AGBL4: variants seen among roughly 807,000 people sequenced by gnomAD.
AGBL4 encodes the protein cytosolic carboxypeptidase 6.
AGBL4 carries 58 observed loss-of-function variants against 66.4 expected under a neutral mutation model. That is an observed-to-expected ratio of 0.87 (90% CI 0.71 to 1.09). The LOEUF (loss-of-function observed/expected upper bound fraction) is 1.09, where lower values mean the gene tolerates loss of function less well. Among genes scored for constraint, AGBL4 ranks in the 50% least tolerant of loss-of-function variants. The probability of loss-of-function intolerance (pLI) is 0.00; values close to 1 mark genes in which losing one functional copy is unlikely to be tolerated. For synonymous variants in AGBL4, 234 were observed against 222.9 expected, an observed-to-expected ratio of 1.05 and a Z score of -0.44; for missense variants, 579 against 631.0, an observed-to-expected ratio of 0.92 and a Z score of 0.88.
chr1:49,808,242 CTATT>C (rs1645018459), intron 2 of AGBL4, among the ~76,000 whole-genome samples: 1 of 152,142 alleles, frequency 6.6e-6, no homozygotes, highest in Admixed American at 6.6e-5. Context: ...TCTATTTTCT[CTATT>C]TATTGATTGT....
intron 2 of AGBL4, chr1:49,845,262 G>C: frequency 6.4e-7 from 1 of 1,558,072 alleles, no homozygotes; most frequent in Non-Finnish European, 8.8e-7. Context: ...CTCAGTGTGA[G>C]GGGACCTTCA....
chr1:49,583,557 G>A (rs1034693036), intron 3 of AGBL4, among the ~76,000 whole-genome samples: 1 of 151,958 alleles, frequency 6.6e-6, no homozygotes, highest in Non-Finnish European at 1.5e-5. Flanking sequence ...AGAAATGGGG[G>A]GCAGTCTTAT....
At chr1:48,719,810 C>T (rs1647115528) in intron 6 of AGBL4, among the ~76,000 whole-genome samples, 1 of 152,192 alleles carries the variant, frequency 6.6e-6, no homozygotes, top group Non-Finnish European at 1.5e-5. Flanking sequence ...GAAACTGAGT[C>T]CCAAACCAAA....
At chr1:49,184,676 C>T (rs552749955) in intron 4 of AGBL4, among the ~76,000 whole-genome samples, 2 of 152,276 alleles carry the variant, frequency 1.3e-5, no homozygotes, top group East Asian at 3.9e-4. Context: ...TGATAGATTT[C>T]TGCAAAGGCT....
chr1:49,421,432 T>G (rs1426931955), intron 3 of AGBL4, among the ~76,000 whole-genome samples: 12 of 152,012 alleles, frequency 7.9e-5, no homozygotes, highest in Non-Finnish European at 7.4e-5. Flanking sequence ...ACATAAAACA[T>G]TGTCTGAAAG....
chr1:49,817,285 G>T (rs1645255703), intron 2 of AGBL4, among the ~76,000 whole-genome samples: 1 of 152,122 alleles, frequency 6.6e-6, no homozygotes, highest in Non-Finnish European at 1.5e-5. Context: ...GCAGGGAATG[G>T]AATATAAAGT....
At chr1:49,737,588 T>C (rs561250092) in intron 2 of AGBL4, among the ~76,000 whole-genome samples, 2 of 152,078 alleles carry the variant, frequency 1.3e-5, no homozygotes, top group Admixed American at 6.5e-5. Context: ...TCTGTGGTCA[T>C]TGGTGATGGG....
At chr1:49,715,643 T>A (rs985589068) in intron 2 of AGBL4, among the ~76,000 whole-genome samples, 1 of 151,994 alleles carries the variant, frequency 6.6e-6, no homozygotes, top group Non-Finnish European at 1.5e-5. Context: ...CTTTTAATGA[T>A]CACCATTCTA....
At chr1:49,154,747 T>C (rs1412701794) in intron 4 of AGBL4, among the ~76,000 whole-genome samples, 2 of 152,166 alleles carry the variant, frequency 1.3e-5, no homozygotes, top group East Asian at 3.8e-4. Flanking sequence ...GCTATATTAA[T>C]ATTTTAAGAA....
chr1:48,910,957 T>C (rs1223915554), intron 5 of AGBL4, among the ~76,000 whole-genome samples: 1 of 152,202 alleles, frequency 6.6e-6, no homozygotes, highest in Non-Finnish European at 1.5e-5. Context: ...GAAGGCTGAA[T>C]AAGCACAGAC....
chr1:49,150,362 C>T (rs1646303975), intron 4 of AGBL4, among the ~76,000 whole-genome samples: 1 of 152,120 alleles, frequency 6.6e-6, no homozygotes, highest in African/African-American at 2.4e-5. Context: ...AATTTGTACA[C>T]ATTCTCACAA....
chr1:48,857,250 T>C (rs887867474), intron 6 of AGBL4, among the ~76,000 whole-genome samples: 1 of 152,196 alleles, frequency 6.6e-6, no homozygotes, highest in Admixed American at 6.5e-5. Context: ...TTTGACAAGA[T>C]GGACAACATA....
intron 6 of AGBL4, among the ~76,000 whole-genome samples, chr1:48,739,100 A>G (rs1649514463): frequency 1.3e-5 from 2 of 152,220 alleles, no homozygotes; most frequent in South Asian, 2.1e-4. Context: ...ATGTTCAGTT[A>G]GTTTTCCTTT....
intron 2 of AGBL4, among the ~76,000 whole-genome samples, chr1:49,842,775 A>G (rs2148043412): frequency 6.6e-6 from 1 of 152,104 alleles, no homozygotes; most frequent in East Asian, 1.9e-4. Context: ...TAGCCTCTCT[A>G]AGGAGGTGAC....
rs1468781524 is a variant in AGBL4 at position 49,539,602 on chromosome 1, G to A, written c.282+157711C>T. Reference sequence around the variant, plus strand: ...GAACTCTTCCTACTGGATTACTCAGGAAAGTATCTGCATAATAAACCCTCA... The same window carrying A: ...GAACTCTTCCTACTGGATTACTCAGAAAAGTATCTGCATAATAAACCCTCA... On this transcript the variant is annotated intron_variant, in intron 3 of 13. Coordinates refer to ENST00000371839, the MANE Select transcript of AGBL4 (RefSeq NM_032785.4). Among the ~76,000 whole-genome samples the A allele has an allele frequency of 3.3e-5, 5 of 152,134 alleles. No individual in the cohort carries two copies. The East Asian group carries it at 9.6e-4, about 29-fold the overall frequency.
chr1:49,135,699 T>C (rs1645997613), intron 4 of AGBL4, among the ~76,000 whole-genome samples: 1 of 152,212 alleles, frequency 6.6e-6, no homozygotes, highest in Admixed American at 6.5e-5. Flanking sequence ...CTATTGTTTG[T>C]GGCTTAAGAA....
chr1:48,867,295 T>A (rs1022290298), intron 5 of AGBL4, 65 bp from the exon 6 acceptor site: 5 of 1,538,002 alleles, frequency 3.3e-6, no homozygotes, highest in Non-Finnish European at 3.6e-6. Context: ...GCTTAGCAGG[T>A]CAGGGCGGAC....
rs1045619365 is a variant in AGBL4 at position 48,776,859 on chromosome 1, G to T, written c.634+90332C>A. The stretch of plus-strand genomic sequence containing the variant: ...TGGGCGCCGGGGGCGGGCCCCGGTC[G>T]GGCAGCTCAGCCCGCGGGGCGGGCG... On this transcript the variant is annotated intron_variant, in intron 6 of 13. Transcript: ENST00000371839. 26 of 1,464,294 alleles carry T rather than the reference G, an allele frequency of 1.8e-5. No homozygotes were observed. The East Asian group carries it at 4.1e-4, about 23-fold the overall frequency. 90.7% of individuals were successfully genotyped at this position (1,464,294 alleles called of 1,614,324 possible).
chr1:49,748,835 C>T (rs1051086672), intron 2 of AGBL4, among the ~76,000 whole-genome samples: 3 of 152,122 alleles, frequency 2.0e-5, no homozygotes, highest in Admixed American at 6.5e-5. Context: ...ATATCCTTCA[C>T]CCACATTTTG....
Sources: allele counts gnomAD v4.1 joint callset (sites outside exome capture counted in the v4.1 genomes callset), GRCh38; gene constraint gnomAD v4.1.1; transcripts MANE v1.5; gene names NCBI Gene and HGNC (gene_info 2026-07-23, HGNC 2026-07-21).